Variants in TMEM132D observed in about 807,000 individuals in gnomAD.
The protein encoded by TMEM132D is mature OL transmembrane protein.
In TMEM132D, 21 loss-of-function variants were observed where a neutral mutation model predicts 62.3. That is an observed-to-expected ratio of 0.34 (90% CI 0.24 to 0.49). The LOEUF is 0.49. Ranked by LOEUF, TMEM132D falls within the 20% of genes least tolerant of loss-of-function variation. The pLI, the probability that TMEM132D is intolerant of heterozygous loss-of-function variation, is 0.99. For missense variants in TMEM132D, 1,346 were observed against 1,402.8 expected, an observed-to-expected ratio of 0.96 and a Z score of 0.65; for synonymous variants, 621 against 575.6, an observed-to-expected ratio of 1.08 and a Z score of -1.13.
chr12:129,383,692 G>C (rs1354106652), intron 3 of TMEM132D, among the ~76,000 whole-genome samples: 2 of 152,188 alleles, frequency 1.3e-5, no homozygotes, highest in African/African-American at 4.8e-5. Context: ...ATCTGCCTTG[G>C]CCTCTTAAAG....
chr12:129,453,322 C>T (rs193237753), intron 3 of TMEM132D, among the ~76,000 whole-genome samples: 1 of 152,320 alleles, frequency 6.6e-6, no homozygotes, highest in East Asian at 1.9e-4. Context: ...GCATGGGCTA[C>T]TGGCTTTTGC....
intron 5 of TMEM132D, among the ~76,000 whole-genome samples, chr12:129,087,474 G>T (rs940311044): frequency 6.6e-6 from 1 of 150,532 alleles, no homozygotes; most frequent in Non-Finnish European, 1.5e-5. Context: ...ACTTGGGTGG[G>T]CCCTAAGTGG....
intron 3 of TMEM132D, among the ~76,000 whole-genome samples, chr12:129,349,138 G>A (rs138936643): frequency 2.3e-4 from 35 of 152,314 alleles, no homozygotes; most frequent in Admixed American, 1.1e-3. Flanking sequence ...GCAAACAGTA[G>A]TATCTTTTTG....
intron 1 of TMEM132D, among the ~76,000 whole-genome samples, chr12:129,732,859 G>A (rs1198762729): frequency 6.6e-6 from 1 of 152,224 alleles, no homozygotes; most frequent in African/African-American, 2.4e-5. Context: ...GCTGGAGACT[G>A]AGTTTAATCA....
chr12:129,649,760 ATGTATG>A (rs1307360116), intron 2 of TMEM132D, among the ~76,000 whole-genome samples: 1 of 151,960 alleles, frequency 6.6e-6, no homozygotes, highest in East Asian at 1.9e-4. Context: ...ATATACACAT[ATGTATG>A]TGTATATGTG....
intron 1 of TMEM132D, among the ~76,000 whole-genome samples, chr12:129,889,058 G>A (rs1874838556): frequency 1.3e-5 from 2 of 152,160 alleles, no homozygotes; most frequent in Non-Finnish European, 2.9e-5. Flanking sequence ...AGGATAAGAT[G>A]TAATTCTGAG....
At chr12:129,091,811 G>C (rs1480657936) in intron 5 of TMEM132D, among the ~76,000 whole-genome samples, 2 of 152,234 alleles carry the variant, frequency 1.3e-5, no homozygotes, top group African/African-American at 4.8e-5. Flanking sequence ...GGTCTGGAGA[G>C]ACAATCTGAG....
At chr12:129,782,244 C>G (rs1251910889) in intron 1 of TMEM132D, among the ~76,000 whole-genome samples, 1 of 152,196 alleles carries the variant, frequency 6.6e-6, no homozygotes, top group Non-Finnish European at 1.5e-5. Context: ...TTGAGCACCA[C>G]GTCGGCACTC....
At chr12:129,512,644 G>A (rs925389052) in intron 3 of TMEM132D, among the ~76,000 whole-genome samples, 47 of 152,192 alleles carry the variant, frequency 3.1e-4, no homozygotes, top group Admixed American at 6.5e-5. Flanking sequence ...GGCCAGGACC[G>A]TGATCAACTA....
chr12:129,804,491 C>A (rs1440060542), intron 1 of TMEM132D, among the ~76,000 whole-genome samples: 3 of 150,600 alleles, frequency 2.0e-5, no homozygotes, highest in Non-Finnish European at 4.4e-5. Context: ...AATTCAACAA[C>A]CCTTCATGCT....
chr12:129,453,340 G>T (rs1873361429), intron 3 of TMEM132D, among the ~76,000 whole-genome samples: 1 of 152,114 alleles, frequency 6.6e-6, no homozygotes, highest in African/African-American at 2.4e-5. Context: ...TGCGCAAGGT[G>T]TCTCTTTGCC....
intron 1 of TMEM132D, among the ~76,000 whole-genome samples, chr12:129,718,622 C>G (rs1017271429): frequency 1.4e-4 from 22 of 152,130 alleles, no homozygotes; most frequent in African/African-American, 5.1e-4. Flanking sequence ...TTGCAAATGT[C>G]AGACACTTTG....
intron 1 of TMEM132D, among the ~76,000 whole-genome samples, chr12:129,777,085 T>A (rs1870962909): frequency 2.6e-5 from 4 of 152,232 alleles, no homozygotes; most frequent in Non-Finnish European, 5.9e-5. Flanking sequence ...CAGCTGGGTC[T>A]ATAAATTGTA....
chr12:129,798,678 G>A (rs548309466), intron 1 of TMEM132D, among the ~76,000 whole-genome samples: 11 of 151,502 alleles, frequency 7.3e-5, no homozygotes, highest in African/African-American at 2.4e-4. Context: ...ATCCTTGGGA[G>A]GGAATGAATG....
At chr12:129,471,901 C>T (rs1289778716) in intron 3 of TMEM132D, among the ~76,000 whole-genome samples, 2 of 152,214 alleles carry the variant, frequency 1.3e-5, no homozygotes, top group Non-Finnish European at 2.9e-5. Flanking sequence ...GAGCAAGGCC[C>T]TAACTCTCTT....
At chr12:129,784,334 T>A (rs1214046931) in intron 1 of TMEM132D, among the ~76,000 whole-genome samples, 3 of 152,188 alleles carry the variant, frequency 2.0e-5, no homozygotes, top group Admixed American at 6.5e-5. Context: ...AAAACATGTG[T>A]CCCACCTCAC....
chr12:129,390,375 G>T (rs2135693498), intron 3 of TMEM132D, among the ~76,000 whole-genome samples: 1 of 152,178 alleles, frequency 6.6e-6, no homozygotes, highest in South Asian at 2.1e-4. Context: ...ACCACTTCTT[G>T]TCTACAATTA....
chr12:129,678,166 G>A (rs535199350), intron 2 of TMEM132D, among the ~76,000 whole-genome samples: 1 of 152,152 alleles, frequency 6.6e-6, no homozygotes, highest in East Asian at 1.9e-4. Flanking sequence ...AAGTGTAAGA[G>A]TTTCTCTCAG....
chr12:129,147,246 T>G (rs1025067972), intron 5 of TMEM132D, among the ~76,000 whole-genome samples: 1 of 91,622 alleles, frequency 1.1e-5, no homozygotes, highest in East Asian at 2.6e-4. Context: ...ATACATATGT[T>G]TATGTATATA....
Sources: allele counts gnomAD v4.1 joint callset (sites outside exome capture counted in the v4.1 genomes callset), GRCh38; gene constraint gnomAD v4.1.1; transcripts MANE v1.5; gene names NCBI Gene and HGNC (gene_info 2026-07-23, HGNC 2026-07-21).